The following GALNT17 variants were observed in gnomAD, a reference collection of about 807,000 sequenced individuals.
GALNT17 encodes UDP-GalNAc:polypeptide N-acetylgalactosaminyltransferase-like 3.
GALNT17 carries 29 observed loss-of-function variants against 63.7 expected under a neutral mutation model. The ratio of observed to expected loss-of-function variants is 0.46; its 90% CI spans 0.34 to 0.62. The LOEUF (loss-of-function observed/expected upper bound fraction) is 0.62. GALNT17 is among the 20% of genes least tolerant of loss of function. The pLI, the probability that GALNT17 is intolerant of heterozygous loss-of-function variation, is 0.01. For synonymous variants in GALNT17, 305 were observed against 318.3 expected (o/e 0.96, Z 0.45); for missense variants, 603 against 799.6 (o/e 0.75, Z 2.97).
At chr7:71,285,223 T>A (rs758041737) in intron 1 of GALNT17, among the ~76,000 whole-genome samples, 8 of 152,206 alleles carry the variant, frequency 5.3e-5, no homozygotes, top group Non-Finnish European at 1.2e-4. Flanking sequence ...TACATATTAT[T>A]TGACTACCTC....
At chr7:71,628,076 A>AG (rs148573263) in intron 6 of GALNT17, among the ~76,000 whole-genome samples, 3,040 of 150,876 alleles carry the variant, frequency 0.02, 56 homozygotes, top group Non-Finnish European at 0.032. Flanking sequence ...TCAGGGGGAA[A>AG]AAAGTCTAAA....
intron 5 of GALNT17, among the ~76,000 whole-genome samples, chr7:71,486,861 CAA>C (rs1178098140): frequency 1.7e-5 from 2 of 120,414 alleles, no homozygotes. Context: ...AGACCCTGTC[CAA>C]AAAAAAAAAA....
At chr7:71,169,617 G>A (rs556978640) in intron 1 of GALNT17, among the ~76,000 whole-genome samples, 1 of 152,264 alleles carries the variant, frequency 6.6e-6, no homozygotes, top group East Asian at 1.9e-4. Context: ...GTACAGTGGC[G>A]TGATCATGGC....
At chr7:71,351,527 A>C (rs1187413010) in intron 2 of GALNT17, among the ~76,000 whole-genome samples, 1 of 151,964 alleles carries the variant, frequency 6.6e-6, no homozygotes, top group African/African-American at 2.4e-5. Context: ...TGGTATCTTA[A>C]GAGGAGAAAA....
At chr7:71,632,066 A>T (rs1306797210) in intron 6 of GALNT17, among the ~76,000 whole-genome samples, 1 of 151,560 alleles carries the variant, frequency 6.6e-6, no homozygotes, top group African/African-American at 2.4e-5. Flanking sequence ...AAGGCTTTAA[A>T]GGACCTGAAG....
intron 5 of GALNT17, among the ~76,000 whole-genome samples, chr7:71,435,253 C>A (rs1228409029): frequency 6.6e-6 from 1 of 152,156 alleles, no homozygotes; most frequent in African/African-American, 2.4e-5. Context: ...AAGATCTAAC[C>A]TAAGTGACTC....
chr7:71,281,699 C>T (rs1344800520), intron 1 of GALNT17, among the ~76,000 whole-genome samples: 7 of 152,148 alleles, frequency 4.6e-5, no homozygotes, highest in Non-Finnish European at 8.8e-5. Context: ...GCAACGTGCC[C>T]CTGTTTCCTT....
At chr7:71,356,388 T>G (rs1297698654) in intron 2 of GALNT17, among the ~76,000 whole-genome samples, 1 of 151,586 alleles carries the variant, frequency 6.6e-6, no homozygotes, top group South Asian at 2.1e-4. Flanking sequence ...TTGGATAATT[T>G]ATAAAGAAAA....
chr7:71,309,240 G>C lies in GALNT17; in HGVS notation c.239-26310G>C, dbSNP rs552443571. On this transcript the variant is annotated intron_variant, in intron 1 of 10. Coordinates refer to ENST00000333538, the MANE Select transcript of GALNT17 (RefSeq NM_022479.3). ...CTCTTTCCTACTCAAAACCTTTCTT[G>C]GTTCACTGTGACTCAGTGAATAAAT... Among the ~76,000 whole-genome samples the C allele has an allele frequency of 1.3e-3, 199 of 151,974 alleles. 1 individual carries two copies. Among genetic ancestry groups the C allele is most frequent in the Admixed American group, 2.9e-3 (45 of 15,258 alleles).
At position 71,596,285 on chromosome 7, in the gene GALNT17, A is replaced by G. The variant is rs1374745679; in HGVS notation, c.1080+24883A>G. 2.6e-5 allele frequency among the ~76,000 whole-genome samples: 4 copies of G among 151,106 alleles called. No individual in the cohort carries two copies. In the East Asian group the frequency reaches 5.8e-4, roughly 22 times the overall value. ...AAACTCCTGACCTCGTGATTCGCCC[A>G]CCTTGGCCTCCCAAAGTGCTGGGAT... On this transcript the variant is annotated intron_variant, in intron 6 of 10. Coordinates refer to ENST00000333538, the MANE Select transcript of GALNT17 (RefSeq NM_022479.3).
At chr7:71,307,617 C>T (rs557475159) in intron 1 of GALNT17, 1 of 152,594 alleles carries the variant, frequency 6.6e-6, no homozygotes, top group South Asian at 2.1e-4. Context: ...TCTAGGAAGT[C>T]TTCCTTGGTT....
chr7:71,403,284 A>T (rs1563067316), intron 3 of GALNT17, among the ~76,000 whole-genome samples: 1 of 152,242 alleles, frequency 6.6e-6, no homozygotes, highest in Admixed American at 6.5e-5. Flanking sequence ...AGTTTCTCCC[A>T]GTGGTAACAT....
intron 6 of GALNT17, among the ~76,000 whole-genome samples, chr7:71,653,591 G>A (rs1317897933): frequency 5.5e-5 from 4 of 73,384 alleles, no homozygotes; most frequent in Non-Finnish European, 1.6e-4. Context: ...ATTTTTAGTA[G>A]AGACAGGGTT....
intron 6 of GALNT17, among the ~76,000 whole-genome samples, chr7:71,636,131 GTA>G (rs1365958945): frequency 2.0e-5 from 3 of 152,136 alleles, no homozygotes; most frequent in Non-Finnish European, 4.4e-5. Context: ...GCCATTTGGG[GTA>G]TATCCATCAT....
intron 5 of GALNT17, among the ~76,000 whole-genome samples, chr7:71,554,473 G>A (rs1355260862): frequency 6.6e-6 from 1 of 152,116 alleles, no homozygotes; most frequent in Non-Finnish European, 1.5e-5. Context: ...GGGTATATCT[G>A]TATTAGCAGT....
intron 2 of GALNT17, among the ~76,000 whole-genome samples, chr7:71,347,227 A>G (rs1202139250): frequency 6.6e-6 from 1 of 152,168 alleles, no homozygotes; most frequent in East Asian, 1.9e-4. Flanking sequence ...TGAGAGAGTT[A>G]TACGTGAAGG....
intron 7 of GALNT17, among the ~76,000 whole-genome samples, chr7:71,669,762 C>A (rs1026711204): frequency 6.6e-6 from 1 of 151,798 alleles, no homozygotes; most frequent in Admixed American, 6.6e-5. Flanking sequence ...GGGGTTTCGC[C>A]GTGTTGGCCA....
At chr7:71,214,887 A>G (rs1789449425) in intron 1 of GALNT17, among the ~76,000 whole-genome samples, 1 of 152,128 alleles carries the variant, frequency 6.6e-6, no homozygotes, top group Non-Finnish European at 1.5e-5. Context: ...CTTTTGATTA[A>G]GCTTCACAGA....
intron 1 of GALNT17, among the ~76,000 whole-genome samples, chr7:71,275,617 A>G (rs899252013): frequency 6.6e-6 from 1 of 152,138 alleles, no homozygotes; most frequent in African/African-American, 2.4e-5. Flanking sequence ...GGCTCTATCT[A>G]CGGCAGTTCC....
Sources: allele counts gnomAD v4.1 joint callset (sites outside exome capture counted in the v4.1 genomes callset), GRCh38; gene constraint gnomAD v4.1.1; transcripts MANE v1.5; gene names NCBI Gene and HGNC (gene_info 2026-07-23, HGNC 2026-07-21).